PDLIM4: variants seen among roughly 807,000 people sequenced by gnomAD.
PDLIM4 encodes the protein PDZ and LIM domain 4.
A neutral mutation model predicts 31.3 loss-of-function variants in PDLIM4; 19 were observed. The observed-to-expected ratio is 0.61, with a 90% CI of 0.42 to 0.89. The LOEUF (loss-of-function observed/expected upper bound fraction) is 0.89, where lower values mean the gene tolerates loss of function less well. Among genes scored for constraint, PDLIM4 ranks in the 40% least tolerant of loss-of-function variants. PDLIM4 has a pLI of 0.00. For missense variants in PDLIM4, 442 were observed against 461.1 expected (o/e 0.96, Z 0.38); for synonymous variants, 176 against 190.1 (o/e 0.93, Z 0.61).
In PDLIM4 at chr5:132,271,013, C is replaced by T; in HGVS notation, c.426C>T (p.Arg142=). 3.1e-6 allele frequency: 5 copies of T among 1,614,148 alleles called. No individual in the cohort carries two copies. Among genetic ancestry groups the T allele is most frequent in the South Asian group, 1.1e-5 (1 of 91,088 alleles). ...SLGSPYGQPP[R]FPVPHNGSSE... ...GATCTCCATATGGACAACCCCCTCG[C>T]TTTCCAGTCCCTCACAATGGCAGCA... The change falls in exon 4 of 7, where the codon CGC becomes CGT. Residue 142 remains arginine, a synonymous_variant. Transcript: ENST00000253754.
chr5:132,268,084 G>A (rs1339867810), intron 3 of PDLIM4, among the ~76,000 whole-genome samples: 1 of 152,066 alleles, frequency 6.6e-6, no homozygotes, highest in Non-Finnish European at 1.5e-5. Flanking sequence ...GGAGGCTGGC[G>A]ACTGTAGAGC....
At chr5:132,270,277 T>C (rs1258991322) in intron 3 of PDLIM4, among the ~76,000 whole-genome samples, 2 of 152,228 alleles carry the variant, frequency 1.3e-5, no homozygotes, top group Non-Finnish European at 2.9e-5. Context: ...GCCCCTCATC[T>C]GCTGTGCCTG....
intron 2 of PDLIM4, among the ~76,000 whole-genome samples, chr5:132,265,953 G>T (rs1756482659): frequency 6.6e-6 from 1 of 152,166 alleles, no homozygotes; most frequent in East Asian, 1.9e-4. Flanking sequence ...ACTCAGTGAT[G>T]ACTCTGCCGG....
intron 5 of PDLIM4, 94 bp downstream of exon 5, chr5:132,271,560 C>A: frequency 7.5e-7 from 1 of 1,335,004 alleles, no homozygotes; most frequent in Non-Finnish European, 1.1e-6. Context: ...TCGCAGTCAC[C>A]TGCCCTCTTC....
At chr5:132,271,936 C>A (rs751744427) in intron 6 of PDLIM4, 28 bp downstream of exon 6, 20 of 1,591,264 alleles carry the variant, frequency 1.3e-5, no homozygotes, top group Non-Finnish European at 1.6e-5. Context: ...CTGCCCCTCC[C>A]GGACCCTAGC....
intron 3 of PDLIM4, among the ~76,000 whole-genome samples, chr5:132,267,358 G>A (rs1756513711): frequency 6.6e-6 from 1 of 152,226 alleles, no homozygotes; most frequent in Admixed American, 6.5e-5. Flanking sequence ...GGAAGGATGT[G>A]CCCCAGCTTC....
At position 132,272,139 on chromosome 5, in the gene PDLIM4, C is replaced by T. The variant is rs1446432359; in HGVS notation, c.903C>T (p.Tyr301=). ...RGYFFLDERL[Y]CESHAKARVK... The stretch of plus-strand genomic sequence containing the variant: ...ACTTCTTTCTGGACGAGCGGCTCTA[C>T]TGTGAGAGCCACGCCAAGGCGCGCG... The change falls in exon 7 of 7, where the codon TAC becomes TAT. Residue 301 remains tyrosine (Y), a synonymous_variant. Coordinates refer to ENST00000253754, the MANE Select transcript of PDLIM4 (RefSeq NM_003687.4). 6.2e-7 allele frequency: 1 copy of T among 1,614,058 alleles called. No individual in the cohort carries two copies. Among genetic ancestry groups the T allele is most frequent in the Non-Finnish European group, 8.5e-7 (1 of 1,179,968 alleles).
chr5:132,262,219 C>A (rs1341553116), intron 1 of PDLIM4, among the ~76,000 whole-genome samples: 1 of 152,082 alleles, frequency 6.6e-6, no homozygotes, highest in African/African-American at 2.4e-5. Context: ...CTGGTTGGGG[C>A]CTTGTCTGTG....
At chr5:132,267,421 C>G (rs1313476482) in intron 3 of PDLIM4, among the ~76,000 whole-genome samples, 1 of 152,232 alleles carries the variant, frequency 6.6e-6, no homozygotes, top group Non-Finnish European at 1.5e-5. Flanking sequence ...CCCTGCCTGG[C>G]TGGCATCCCT....
intron 1 of PDLIM4, among the ~76,000 whole-genome samples, chr5:132,259,151 G>T (rs1287851808): frequency 6.6e-6 from 1 of 151,756 alleles, no homozygotes; most frequent in Non-Finnish European, 1.5e-5. Context: ...GTGTGTGTGT[G>T]TGTGTGTGTG....
chr5:132,263,059 TTCATTC>T, intron 2 of PDLIM4, among the ~76,000 whole-genome samples: 2 of 138,126 alleles, frequency 1.4e-5, no homozygotes, highest in African/African-American at 5.2e-5. Context: ...GGGCATTTGT[TTCATTC>T]CTTTCCCCTC....
At chr5:132,269,635 C>A (rs938201480) in intron 3 of PDLIM4, among the ~76,000 whole-genome samples, 1 of 152,028 alleles carries the variant, frequency 6.6e-6, no homozygotes, top group African/African-American at 2.4e-5. Flanking sequence ...GTACTCAGGG[C>A]AGAACCCCAC....
At position 132,259,967 on chromosome 5, in the gene PDLIM4, C is replaced by T. The variant is rs564754101; in HGVS notation, c.93+2140C>T. On this transcript the variant is annotated intron_variant, in intron 1 of 6. Transcript: ENST00000253754. Reference sequence around the variant, plus strand: ...GCACCACCTTATTTATGCCCAGCCTCCTGTGGGGGCTTTACATGCCCTGTT... The same window carrying T: ...GCACCACCTTATTTATGCCCAGCCTTCTGTGGGGGCTTTACATGCCCTGTT... 2.0e-5 allele frequency among the ~76,000 whole-genome samples: 3 copies of T among 152,276 alleles called. No individual in the cohort carries two copies. In the East Asian group the frequency reaches 5.8e-4, roughly 29 times the overall value.
intron 3 of PDLIM4, among the ~76,000 whole-genome samples, chr5:132,268,399 G>A (rs1756537156): frequency 6.6e-6 from 1 of 152,206 alleles, no homozygotes; most frequent in Non-Finnish European, 1.5e-5. Flanking sequence ...TCGAGGAGGA[G>A]GAAACCACAG....
Position 132,266,473 on chromosome 5 carries a change from T to C in PDLIM4, c.255T>C (p.Gly85=), listed in dbSNP as rs1007602. The part of the protein sequence containing the change: ...HLTLSVSRPE[G]RSWPSAPDDS... The stretch of plus-strand genomic sequence containing the variant: ...ACAATTTCTGCCACAGGCCTGAGGG[T>C]AGGAGCTGGCCCAGTGCCCCTGATG... Residue 85 remains glycine (G), a synonymous_variant, in exon 3 of 7, where the codon GGT becomes GGC. Transcript: ENST00000253754. 0.61 allele frequency: 980,245 copies of C among 1,606,844 alleles called. 307,960 individuals carry two copies. Among genetic ancestry groups the C allele is most frequent in the Non-Finnish European group, 0.66 (770,447 of 1,173,994 alleles).
chr5:132,262,529 G>C, intron 1 of PDLIM4, 80 bp from the exon 2 acceptor site: 2 of 1,331,460 alleles, frequency 1.5e-6, no homozygotes, highest in Non-Finnish European at 2.0e-6. Flanking sequence ...TAGGTTCTGA[G>C]GTTGGAGGAG....
At chr5:132,264,144 G>A (rs1756438809) in intron 2 of PDLIM4, among the ~76,000 whole-genome samples, 1 of 152,198 alleles carries the variant, frequency 6.6e-6, no homozygotes, top group South Asian at 2.1e-4. Context: ...TAGTGGGGAG[G>A]AGTGCCTCAG....
chr5:132,260,480 C>A (rs1047824017), intron 1 of PDLIM4, among the ~76,000 whole-genome samples: 2 of 152,276 alleles, frequency 1.3e-5, no homozygotes, highest in Non-Finnish European at 1.5e-5. Flanking sequence ...GACTTCATCT[C>A]TCCCACTCTC....
intron 1 of PDLIM4, among the ~76,000 whole-genome samples, chr5:132,258,038 G>A (rs1001606812): frequency 6.6e-6 from 1 of 152,196 alleles, no homozygotes; most frequent in East Asian, 1.9e-4. Flanking sequence ...CCGATCCCGC[G>A]AAGAATCTCC....
Sources: gnomAD v4.1 joint callset for allele counts (sites outside exome capture counted in the v4.1 genomes callset) on GRCh38, gnomAD v4.1.1 for gene constraint, MANE v1.5 for transcripts, NCBI Gene and HGNC (gene_info 2026-07-23, HGNC 2026-07-21) for gene names.